CPNE8: variants seen among roughly 807,000 people sequenced by gnomAD.
The protein encoded by CPNE8 is copine 8.
A neutral mutation model predicts 81.5 loss-of-function variants in CPNE8; 45 were observed. The observed-to-expected ratio is 0.55, with a 90% confidence interval of 0.44 to 0.71. The LOEUF (loss-of-function observed/expected upper bound fraction) is 0.71, where lower values mean the gene tolerates loss of function less well. Among genes scored for constraint, CPNE8 ranks in the 30% least tolerant of loss-of-function variants. The pLI, the probability that CPNE8 is intolerant of heterozygous loss-of-function variation, is 0.00. For missense variants in CPNE8, 594 were observed against 672.1 expected, an observed-to-expected ratio of 0.88 and a Z score of 1.28; for synonymous variants, 252 against 226.3, an observed-to-expected ratio of 1.11 and a Z score of -1.02.
chr12:38,833,240 C>A (rs183755093), intron 5 of CPNE8, among the ~76,000 whole-genome samples: 61 of 150,728 alleles, frequency 4.0e-4, no homozygotes, highest in African/African-American at 1.4e-3. Flanking sequence ...GTAATCCCAA[C>A]TACTTGGGAG....
chr12:38,695,078 A>G (rs1939763936), intron 14 of CPNE8, among the ~76,000 whole-genome samples: 1 of 152,152 alleles, frequency 6.6e-6, no homozygotes, highest in Non-Finnish European at 1.5e-5. Flanking sequence ...AAAATGGCCT[A>G]ATGTTCCCCT....
At chr12:38,815,075 C>T (rs552987066) in intron 6 of CPNE8, among the ~76,000 whole-genome samples, 1 of 152,244 alleles carries the variant, frequency 6.6e-6, no homozygotes, top group African/African-American at 2.4e-5. Flanking sequence ...GTGTCGTCAA[C>T]CCCAGCTATT....
chr12:38,888,023 C>A (rs188712342), intron 1 of CPNE8, among the ~76,000 whole-genome samples: 1 of 152,310 alleles, frequency 6.6e-6, no homozygotes, highest in African/African-American at 2.4e-5. Flanking sequence ...AGAGTCAGTG[C>A]AATGGATCAC....
At chr12:38,739,543 T>C (rs1415841841) in intron 10 of CPNE8, among the ~76,000 whole-genome samples, 1 of 152,152 alleles carries the variant, frequency 6.6e-6, no homozygotes, top group Non-Finnish European at 1.5e-5. Flanking sequence ...GAAAGGAATA[T>C]CCTTGCCGTC....
chr12:38,747,891 AT>A (rs1464609158), intron 10 of CPNE8, among the ~76,000 whole-genome samples: 1 of 152,120 alleles, frequency 6.6e-6, no homozygotes, highest in Non-Finnish European at 1.5e-5. Context: ...AGTAATTTAC[AT>A]TTCTATTAGA....
intron 6 of CPNE8, among the ~76,000 whole-genome samples, chr12:38,792,023 A>T (rs1297901874): frequency 1.3e-5 from 2 of 151,060 alleles, no homozygotes; most frequent in Admixed American, 1.3e-4. Flanking sequence ...AAAAAAAAAA[A>T]ACTTGAGACA....
At chr12:38,734,545 G>A (rs1940909834) in intron 10 of CPNE8, among the ~76,000 whole-genome samples, 1 of 151,908 alleles carries the variant, frequency 6.6e-6, no homozygotes, top group African/African-American at 2.4e-5. Context: ...ATCTAGTTTT[G>A]CATATAATAT....
chr12:38,901,623 G>C (rs1944462707), intron 1 of CPNE8, among the ~76,000 whole-genome samples: 1 of 152,186 alleles, frequency 6.6e-6, no homozygotes, highest in African/African-American at 2.4e-5. Flanking sequence ...AGAAGAGCTA[G>C]ACAATGGGTA....
Position 38,670,759 on chromosome 12 carries a change from T to C in CPNE8, c.1476A>G (p.Arg492=), listed in dbSNP as rs1471431552. The change falls in exon 19 of 20, where the codon AGA becomes AGG. Residue 492 remains arginine, a synonymous_variant. Transcript: ENST00000331366. ...CAATGTCTCTTTCAGCATATTTTCC[T>C]CTAGAGGAGACTCTTACATCATCTC... ...LDGDDVRVSS[R]GKYAERDIVQ... 1 of 1,610,092 alleles carries C rather than the reference T, an allele frequency of 6.2e-7. No individual in the cohort carries two copies. Among genetic ancestry groups the C allele is most frequent in the Non-Finnish European group, 8.5e-7 (1 of 1,177,762 alleles).
chr12:38,850,558 T>C (rs567800343), intron 3 of CPNE8, among the ~76,000 whole-genome samples: 64 of 152,318 alleles, frequency 4.2e-4, no homozygotes, highest in African/African-American at 1.5e-3. Context: ...ATTATGACTA[T>C]ATCCATTACA....
chr12:38,773,885 A>G (rs962611602), intron 7 of CPNE8, among the ~76,000 whole-genome samples: 1 of 152,140 alleles, frequency 6.6e-6, no homozygotes, highest in African/African-American at 2.4e-5. Context: ...CTGATGATCA[A>G]TAAGGCTATA....
chr12:38,729,621 T>C (rs1273569063), intron 11 of CPNE8, among the ~76,000 whole-genome samples: 1 of 152,074 alleles, frequency 6.6e-6, no homozygotes, highest in Non-Finnish European at 1.5e-5. Context: ...GGAAGGGAAG[T>C]ATTACCATTC....
chr12:38,904,571 C>A (rs1167298647), intron 1 of CPNE8, among the ~76,000 whole-genome samples: 1 of 150,416 alleles, frequency 6.6e-6, no homozygotes, highest in African/African-American at 2.5e-5. Context: ...CGGGTTCAAG[C>A]GATTCTCCTG....
chr12:38,669,611 T>C (rs1939130342), intron 19 of CPNE8, among the ~76,000 whole-genome samples: 1 of 152,132 alleles, frequency 6.6e-6, no homozygotes, highest in Non-Finnish European at 1.5e-5. Flanking sequence ...CAGCTCCCTT[T>C]CTAGCCTCAT....
At chr12:38,734,352 A>G (rs1218701128) in intron 10 of CPNE8, among the ~76,000 whole-genome samples, 1 of 152,062 alleles carries the variant, frequency 6.6e-6, no homozygotes, top group Admixed American at 6.6e-5. Context: ...TAAACATATT[A>G]ACCTTCTCTA....
intron 1 of CPNE8, among the ~76,000 whole-genome samples, chr12:38,897,267 A>G (rs1489132365): frequency 1.3e-5 from 2 of 152,102 alleles, no homozygotes; most frequent in African/African-American, 2.4e-5. Context: ...GCGTATTTAA[A>G]TAGGAATGGG....
chr12:38,730,869 T>C (rs1006336225), intron 10 of CPNE8, among the ~76,000 whole-genome samples: 1 of 151,820 alleles, frequency 6.6e-6, no homozygotes, highest in African/African-American at 2.4e-5. Flanking sequence ...TCTATAATAG[T>C]TAATAAATAT....
intron 1 of CPNE8, among the ~76,000 whole-genome samples, chr12:38,904,674 G>A (rs1179071959): frequency 6.6e-6 from 1 of 151,848 alleles, no homozygotes; most frequent in East Asian, 1.9e-4. Flanking sequence ...TCACCATATT[G>A]GCCAGGCTGG....
At chr12:38,658,808 A>G (rs1938885197) in intron 19 of CPNE8, among the ~76,000 whole-genome samples, 1 of 152,190 alleles carries the variant, frequency 6.6e-6, no homozygotes, top group African/African-American at 2.4e-5. Flanking sequence ...TAAGCTTCAT[A>G]AGTGAAGGAG....
Sources: allele counts gnomAD v4.1 joint callset (sites outside exome capture counted in the v4.1 genomes callset), GRCh38; gene constraint gnomAD v4.1.1; transcripts MANE v1.5; gene names NCBI Gene and HGNC (gene_info 2026-07-23, HGNC 2026-07-21).